Variants in FAM210A observed in about 807,000 individuals in gnomAD.
The protein encoded by FAM210A is family with sequence similarity 210 member A.
A neutral mutation model predicts 25.3 loss-of-function variants in FAM210A; 13 were observed. The ratio of observed to expected loss-of-function variants is 0.51; its 90% CI spans 0.33 to 0.82. The LOEUF (loss-of-function observed/expected upper bound fraction) is 0.82, where lower values mean the gene tolerates loss of function less well. Among genes scored for constraint, FAM210A ranks in the 40% least tolerant of loss-of-function variants. The probability of loss-of-function intolerance (pLI) is 0.02; values close to 1 mark genes in which losing one functional copy is unlikely to be tolerated. For synonymous variants in FAM210A, 125 were observed against 118.7 expected (o/e 1.05, Z -0.35); for missense variants, 319 against 323.2 (o/e 0.99, Z 0.10).
At chr18:13,709,621 A>G (rs1295663498) in intron 1 of FAM210A, among the ~76,000 whole-genome samples, 1 of 151,982 alleles carries the variant, frequency 6.6e-6, no homozygotes, top group African/African-American at 2.4e-5. Flanking sequence ...TTATCTTCTA[A>G]CTTCTTATAC....
At chr18:13,667,102 T>C (rs2043406974) in intron 3 of FAM210A, among the ~76,000 whole-genome samples, 1 of 152,238 alleles carries the variant, frequency 6.6e-6, no homozygotes, top group Non-Finnish European at 1.5e-5. Context: ...ATGCTTTCTA[T>C]CTGGAGCTAA....
chr18:13,723,762 T>C (rs892582310), intron 1 of FAM210A, among the ~76,000 whole-genome samples: 2 of 152,192 alleles, frequency 1.3e-5, no homozygotes, highest in Admixed American at 1.3e-4. Context: ...AAACTAATCA[T>C]CACACACAGT....
intron 1 of FAM210A, among the ~76,000 whole-genome samples, chr18:13,722,912 C>T (rs959358265): frequency 4.0e-5 from 6 of 151,518 alleles, no homozygotes; most frequent in East Asian, 3.9e-4. Flanking sequence ...GGTGCAATCT[C>T]GGCTCACTGC....
At chr18:13,678,358 C>T (rs2043522009) in intron 2 of FAM210A, among the ~76,000 whole-genome samples, 1 of 149,812 alleles carries the variant, frequency 6.7e-6, no homozygotes, top group South Asian at 2.1e-4. Context: ...GCAACCTCTG[C>T]CTCCTGGGTT....
At chr18:13,680,054 C>T (rs1381371088) in intron 2 of FAM210A, among the ~76,000 whole-genome samples, 4 of 152,178 alleles carry the variant, frequency 2.6e-5, no homozygotes, top group East Asian at 3.9e-4. Context: ...GAATGCCTTG[C>T]CTTATCATAC....
In FAM210A at chr18:13,663,972, C is replaced by G. The variant is rs150757121; in HGVS notation, c.*2508G>C. ...GGTCTATTATACATAGCAAACTATA[C>G]TGTATATATTCTCAATTATTTAACT... On this transcript the variant is annotated 3_prime_UTR_variant, in exon 4 of 4. Coordinates refer to ENST00000651643, the MANE Select transcript of FAM210A (RefSeq NM_152352.4). 7 of 152,276 alleles carry G rather than the reference C, an allele frequency of 4.6e-5. No homozygotes were observed. The highest frequency in any genetic ancestry group is 1.7e-4 in the African/African-American group (7 of 41,556). The allele number at this position is 152,276 out of a possible 1,614,324, so 9.4% of individuals were successfully genotyped here.
intron 1 of FAM210A, among the ~76,000 whole-genome samples, chr18:13,717,694 G>A (rs981841065): frequency 1.3e-5 from 2 of 152,216 alleles, no homozygotes; most frequent in African/African-American, 2.4e-5. Context: ...ACTCCAGTGA[G>A]TCATTTGGTA....
rs1229436233 is a variant in FAM210A at position 13,681,750 on chromosome 18, C to T, written c.328G>A (p.Glu110Lys). The change falls in exon 2 of 4, where the codon GAA (glutamate) becomes AAA (lysine). Residue 110 changes from glutamate (E) to lysine (K), a missense_variant. Transcript: ENST00000651643. ...TTGTCTTGCAAAGGATCAGGCTCTT[C>T]CTTTTTTTCCGGAGTTCCCTGAGCT... is the stretch of plus-strand genomic sequence containing the variant. ...ATAQGTPEKK[E>K]EPDPLQDKSI... The T allele has an allele frequency of 6.2e-7, 1 of 1,614,174 alleles. No homozygotes were observed. Among genetic ancestry groups the T allele is most frequent in the Non-Finnish European group, 8.5e-7 (1 of 1,180,040 alleles).
intron 1 of FAM210A, among the ~76,000 whole-genome samples, chr18:13,702,534 T>C (rs922188864): frequency 6.6e-6 from 1 of 152,224 alleles, no homozygotes; most frequent in African/African-American, 2.4e-5. Context: ...TGTGACCACA[T>C]GGCTACACTT....
At chr18:13,694,802 C>T (rs1200393001) in intron 1 of FAM210A, among the ~76,000 whole-genome samples, 1 of 152,188 alleles carries the variant, frequency 6.6e-6, no homozygotes, top group African/African-American at 2.4e-5. Flanking sequence ...AGGACATAGG[C>T]ATGGGCAAGG....
chr18:13,688,452 G>A (rs1257691968), intron 1 of FAM210A, among the ~76,000 whole-genome samples: 9 of 49,008 alleles, frequency 1.8e-4, no homozygotes, highest in African/African-American at 6.0e-4. Context: ...GCTGCATGAG[G>A]CAGAGAGGCA....
intron 1 of FAM210A, among the ~76,000 whole-genome samples, chr18:13,721,905 C>T (rs908637041): frequency 1.6e-4 from 24 of 152,078 alleles, no homozygotes; most frequent in African/African-American, 5.6e-4. Flanking sequence ...CCCTGATAAG[C>T]CATAGGTCCC....
chr18:13,712,883 A>G (rs2043832631), intron 1 of FAM210A, among the ~76,000 whole-genome samples: 1 of 152,244 alleles, frequency 6.6e-6, no homozygotes, highest in South Asian at 2.1e-4. Flanking sequence ...GCTGCAGTAT[A>G]CAAAGACTGA....
intron 1 of FAM210A, among the ~76,000 whole-genome samples, chr18:13,715,990 G>A (rs917881644): frequency 6.6e-6 from 1 of 152,166 alleles, no homozygotes; most frequent in Non-Finnish European, 1.5e-5. Context: ...TATCTGTGCT[G>A]TTCAATAAGG....
Position 13,682,128 on chromosome 18 carries a change from A to T in FAM210A, c.-28-23T>A, listed in dbSNP as rs568127171. 2.1e-6 allele frequency: 3 copies of T among 1,443,260 alleles called. No homozygotes were observed. The South Asian group carries it at 4.1e-5, about 20-fold the overall frequency. The allele number at this position is 1,443,260 out of a possible 1,614,324, so 89.4% of individuals were successfully genotyped here. On this transcript the variant is annotated intron_variant, in intron 1 of 3. Coordinates refer to ENST00000651643, the MANE Select transcript of FAM210A (RefSeq NM_152352.4). ...CTTCTACAAAGACAATTTTTCAAAA[A>T]AATTAGGTAATACTTAGGTTTCCAT...
intron 2 of FAM210A, among the ~76,000 whole-genome samples, chr18:13,680,424 G>A (rs187794846): frequency 1.1e-4 from 16 of 152,124 alleles, no homozygotes; most frequent in African/African-American, 2.9e-4. Context: ...TAAATAAGAG[G>A]AACATAATGT....
intron 1 of FAM210A, among the ~76,000 whole-genome samples, chr18:13,712,485 G>C (rs1223975388): frequency 6.6e-6 from 1 of 152,182 alleles, no homozygotes; most frequent in Non-Finnish European, 1.5e-5. Flanking sequence ...CACATAGGAA[G>C]TCCTAACCTC....
At chr18:13,698,351 CAAAA>C (rs11464991) in intron 1 of FAM210A, among the ~76,000 whole-genome samples, 2 of 72,946 alleles carry the variant, frequency 2.7e-5, no homozygotes, top group Non-Finnish European at 2.6e-5. Context: ...GACTCCATCT[CAAAA>C]AAAAAAAAAA....
At chr18:13,680,554 A>G (rs1450912771) in intron 2 of FAM210A, among the ~76,000 whole-genome samples, 2 of 152,218 alleles carry the variant, frequency 1.3e-5, no homozygotes, top group East Asian at 3.8e-4. Context: ...TTTCTATTCC[A>G]TCATCCTGGA....
Sources: gnomAD v4.1 joint callset for allele counts (sites outside exome capture counted in the v4.1 genomes callset) on GRCh38, gnomAD v4.1.1 for gene constraint, MANE v1.5 for transcripts, NCBI Gene and HGNC (gene_info 2026-07-23, HGNC 2026-07-21) for gene names.